Variants in RFX6 observed in about 807,000 individuals in gnomAD.
RFX6 encodes the protein regulatory factor X6.
RFX6 carries 50 observed loss-of-function variants against 110.8 expected under a neutral mutation model. The observed-to-expected ratio is 0.45, with a 90% CI of 0.36 to 0.57. RFX6 has a LOEUF of 0.57. Ranked by LOEUF, RFX6 falls within the 20% of genes least tolerant of loss-of-function variation. The pLI, the probability that RFX6 is intolerant of heterozygous loss-of-function variation, is 0.00. For synonymous variants in RFX6, 383 were observed against 411.2 expected, an observed-to-expected ratio of 0.93 and a Z score of 0.83; for missense variants, 990 against 1,127.0, an observed-to-expected ratio of 0.88 and a Z score of 1.74.
At chr6:116,883,049 G>C (rs1287087059) in intron 4 of RFX6, among the ~76,000 whole-genome samples, 1 of 152,098 alleles carries the variant, frequency 6.6e-6, no homozygotes, top group Non-Finnish European at 1.5e-5. Context: ...TGTGTTTTCA[G>C]TTTCTCCTTT....
In RFX6 at chr6:116,909,735, C is replaced by CTTTTTTTTTTTTTTTT. The variant is rs59264999; in HGVS notation, c.673-1186_673-1171dup. Among the ~76,000 whole-genome samples, 9 of 67,378 alleles carry CTTTTTTTTTTTTTTTT rather than the reference C, an allele frequency of 1.3e-4. 1 individual carries two copies. Among genetic ancestry groups the CTTTTTTTTTTTTTTTT allele is most frequent in the African/African-American group, 5.5e-4 (9 of 16,512 alleles). The allele number at this position is 67,378 out of a possible 152,430, so 44.2% of individuals were successfully genotyped here. ...TTTTAAATATAAAGCTCATTTAAAT[C>CTTTTTTTTTTTTTTTT]TTTTTTTTTTTTTTTTTTTTTTTTT... On this transcript the variant is annotated intron_variant, in intron 6 of 18. Transcript: ENST00000332958.
chr6:116,902,551 A>C (rs1043744060), intron 6 of RFX6, among the ~76,000 whole-genome samples: 1 of 152,074 alleles, frequency 6.6e-6, no homozygotes, highest in Non-Finnish European at 1.5e-5. Context: ...ACAAATGAAC[A>C]AAACTTAATT....
chr6:116,915,687 A>T (rs547315827), intron 7 of RFX6, among the ~76,000 whole-genome samples: 95 of 152,132 alleles, frequency 6.2e-4, no homozygotes, highest in African/African-American at 2.2e-3. Flanking sequence ...AATTTTAAAA[A>T]ATTTAAATTT....
At chr6:116,881,592 G>A (rs977089164) in intron 3 of RFX6, among the ~76,000 whole-genome samples, 1 of 152,158 alleles carries the variant, frequency 6.6e-6, no homozygotes, top group East Asian at 1.9e-4. Flanking sequence ...CTTCTGAAAA[G>A]CACTTAATCT....
At chr6:116,911,452 G>T (rs1362379471) in intron 7 of RFX6, among the ~76,000 whole-genome samples, 1 of 152,096 alleles carries the variant, frequency 6.6e-6, no homozygotes, top group African/African-American at 2.4e-5. Flanking sequence ...TGAGGGACAT[G>T]CTAGATGAAT....
At chr6:116,898,476 C>A (rs1774997515) in intron 6 of RFX6, among the ~76,000 whole-genome samples, 1 of 152,018 alleles carries the variant, frequency 6.6e-6, no homozygotes, top group African/African-American at 2.4e-5. Context: ...ACTACAGGCA[C>A]ACACCACCAC....
At position 116,922,121 on chromosome 6, in the gene RFX6, G is replaced by A. The variant is rs1257247172; in HGVS notation, c.1407G>A (p.Leu469=). 5 of 1,515,212 alleles carry A rather than the reference G, an allele frequency of 3.3e-6. No homozygotes were observed. Among genetic ancestry groups the A allele is most frequent in the Non-Finnish European group, 4.6e-6 (5 of 1,091,516 alleles). 93.9% of individuals were successfully genotyped at this position (1,515,212 alleles called of 1,614,324 possible). ...CTGTGGAGGCTTTTATTGAATGGTT[G>A]GATACTGTGGTAGAACAGAGAGTTA... ...NATVEAFIEW[L]DTVVEQRVIK... Residue 469 remains leucine, a synonymous_variant, in exon 13 of 19, where the codon TTG becomes TTA. Transcript: ENST00000332958.
At chr6:116,926,952 T>C in intron 16 of RFX6, 75 bp from the exon 17 acceptor site, 2 of 1,316,482 alleles carry the variant, frequency 1.5e-6, no homozygotes, top group South Asian at 2.4e-5. Context: ...AATAAATCTT[T>C]TGAATATTTT....
At chr6:116,922,375 C>T (rs1008035710) in intron 13 of RFX6, among the ~76,000 whole-genome samples, 2 of 152,024 alleles carry the variant, frequency 1.3e-5, no homozygotes, top group East Asian at 3.9e-4. Flanking sequence ...TCCTTTCTTG[C>T]CGAAAGACTA....
At chr6:116,911,521 T>A (rs1184562802) in intron 7 of RFX6, among the ~76,000 whole-genome samples, 1 of 152,202 alleles carries the variant, frequency 6.6e-6, no homozygotes, top group Non-Finnish European at 1.5e-5. Flanking sequence ...TGTGTTCTCT[T>A]ATATTTGCAT....
At position 116,927,281 on chromosome 6, in the gene RFX6, A is replaced by C; in HGVS notation, c.2140A>C (p.Thr714Pro). 6.2e-7 allele frequency: 1 copy of C among 1,614,198 alleles called. No individual in the cohort carries two copies. The highest frequency in any genetic ancestry group is 8.5e-7 in the Non-Finnish European group (1 of 1,180,038). Reference sequence around the variant, plus strand: ...TGTGTTTAGGGCACAGCCCCACTCCACATCAGGACTCTATCCTCATCACAC... The same window carrying C: ...TGTGTTTAGGGCACAGCCCCACTCCCCATCAGGACTCTATCCTCATCACAC... ...QTVFRAQPHS[T>P]SGLYPHHTEH... The change falls in exon 17 of 19, where the codon ACA becomes CCA. Residue 714 changes from threonine (T) to proline (P), a missense_variant. Coordinates refer to ENST00000332958, the MANE Select transcript of RFX6 (RefSeq NM_173560.4).
chr6:116,924,784 G>A lies in RFX6; in HGVS notation c.1671G>A (p.Lys557=). 1 of 1,581,850 alleles carries A rather than the reference G, an allele frequency of 6.3e-7. No homozygotes were observed. Among genetic ancestry groups the A allele is most frequent in the East Asian group, 2.2e-5 (1 of 44,646 alleles). Residue 557 remains lysine, a synonymous_variant, in exon 15 of 19, where the codon AAG becomes AAA. Coordinates refer to ENST00000332958, the MANE Select transcript of RFX6 (RefSeq NM_173560.4). ...AGAATTTATTGGACAAGTATATGAA[G>A]AATTCAGGTAACTTAAAATAACTGT... ...ELQNLLDKYM[K]NSDASKAAFT...
intron 4 of RFX6, among the ~76,000 whole-genome samples, chr6:116,885,869 A>G (rs1339778281): frequency 4.6e-5 from 7 of 152,136 alleles, no homozygotes; most frequent in Non-Finnish European, 7.4e-5. Context: ...TTTGTAGCAC[A>G]ATTTTATTTT....
At chr6:116,892,437 T>G (rs1250525418) in intron 4 of RFX6, among the ~76,000 whole-genome samples, 1 of 152,242 alleles carries the variant, frequency 6.6e-6, no homozygotes, top group African/African-American at 2.4e-5. Flanking sequence ...CAGGCCCACT[T>G]CTTGGGCCTA....
chr6:116,900,695 T>G (rs1322427834), intron 6 of RFX6, among the ~76,000 whole-genome samples: 20 of 152,092 alleles, frequency 1.3e-4, no homozygotes, highest in Non-Finnish European at 1.0e-4. Context: ...CAGAAAATTA[T>G]GCACAAAATT....
chr6:116,931,489 G>C lies in RFX6; in HGVS notation c.2770G>C (p.Ala924Pro), dbSNP rs746422479. Residue 924 changes from alanine (A) to proline (P), a missense_variant, in exon 19 of 19, where the codon GCA becomes CCA. Coordinates refer to ENST00000332958, the MANE Select transcript of RFX6 (RefSeq NM_173560.4). ...TATCAACACTGTGTTCATGGGAACA[G>C]CAGCTGGAGGCACTTAAACCACCAA... ...PPINTVFMGT[A>P]AGGT The C allele has an allele frequency of 1.9e-6, 3 of 1,613,100 alleles. No homozygotes were observed. The highest frequency in any genetic ancestry group is 2.5e-6 in the Non-Finnish European group (3 of 1,179,300).
intron 6 of RFX6, among the ~76,000 whole-genome samples, chr6:116,905,929 A>G (rs1325442039): frequency 7.3e-6 from 1 of 136,888 alleles, no homozygotes; most frequent in African/African-American, 2.7e-5. Flanking sequence ...TCCAAATCAC[A>G]TGTTTCCTTC....
chr6:116,928,743 A>G lies in RFX6; in HGVS notation c.2399-16A>G, dbSNP rs1193539992. ...GTAGTAAGTTAACAGCAAATTCTCA[A>G]CATTTTCTGTTACAGGATACTATGG... On this transcript the variant is annotated splice_polypyrimidine_tract_variant and intron_variant, in intron 17 of 18. Coordinates refer to ENST00000332958, the MANE Select transcript of RFX6 (RefSeq NM_173560.4). 49 of 1,588,852 alleles carry G rather than the reference A, an allele frequency of 3.1e-5. No individual in the cohort carries two copies. Among genetic ancestry groups the G allele is most frequent in the Non-Finnish European group, 4.1e-5 (47 of 1,157,138 alleles).
rs778387257 is a variant in RFX6 at position 116,877,939 on chromosome 6, C to G, written c.367C>G (p.Leu123Val). The change falls in exon 2 of 19, where the codon CTC becomes GTC. Residue 123 changes from leucine (L) to valine (V), a missense_variant. Around this residue, in one of 5 missense-constraint regions of RFX6, gnomAD observed 175 missense variants for 162.3 expected, o/e 1.08. Coordinates refer to ENST00000332958, the MANE Select transcript of RFX6 (RefSeq NM_173560.4). ...GAAGGATAAAAAGAAGCAGACACAG[C>G]TCACGCTGCAGTGGTGAGACTCGCC... ...IVKDKKKQTQ[L>V]TLQWLEENYI... The G allele has an allele frequency of 6.2e-7, 1 of 1,614,108 alleles. No homozygotes were observed. The highest frequency in any genetic ancestry group is 2.2e-5 in the East Asian group (1 of 44,878).
Sources: gnomAD v4.1 joint callset for allele counts (sites outside exome capture counted in the v4.1 genomes callset) on GRCh38, gnomAD v4.1.1 for gene constraint, gnomAD v4.1.1 regional missense constraint, MANE v1.5 for transcripts, NCBI Gene and HGNC (gene_info 2026-07-23, HGNC 2026-07-21) for gene names.